The following THOP1 variants were observed in gnomAD, a reference collection of about 807,000 sequenced individuals.
THOP1 encodes thimet oligopeptidase.
In THOP1, 49 loss-of-function variants were observed where a neutral mutation model predicts 71.8. That is an observed-to-expected ratio of 0.68 (90% CI 0.54 to 0.87). The LOEUF (loss-of-function observed/expected upper bound fraction) is 0.87, where lower values mean the gene tolerates loss of function less well. THOP1 is among the 40% of genes least tolerant of loss of function. The pLI is 0.00. For synonymous variants in THOP1, 426 were observed against 421.5 expected (o/e 1.01, Z -0.13); for missense variants, 843 against 975.6 (o/e 0.86, Z 1.81).
At chr19:2,810,281 G>A (rs1402021381) in intron 9 of THOP1, 23 bp from the exon 10 acceptor site, 13 of 1,606,430 alleles carry the variant, frequency 8.1e-6, no homozygotes, top group Non-Finnish European at 1.0e-5. Context: ...TGGGCACTCT[G>A]AGGCTCTGCC....
At chr19:2,812,489 T>TC in intron 12 of THOP1, 2 of 1,221,106 alleles carry the variant, frequency 1.6e-6, no homozygotes, top group Non-Finnish European at 2.1e-6. Flanking sequence ...AGCAGGGACC[T>TC]CCCCCCTCCT....
chr19:2,813,315 C>T lies in THOP1; in HGVS notation c.*39C>T, dbSNP rs761232414. On this transcript the variant is annotated 3_prime_UTR_variant, in exon 13 of 13. Coordinates refer to ENST00000307741, the MANE Select transcript of THOP1 (RefSeq NM_003249.5). ...GACTGCCCAGTCTGGCCTGCGCTCC[C>T]GCCGCCCTGGTGCCTTAGCCCCCGG... The T allele has an allele frequency of 3.5e-5, 55 of 1,558,252 alleles. 2 individuals are homozygous for T. Among genetic ancestry groups the T allele is most frequent in the South Asian group, 3.4e-4 (29 of 86,206 alleles).
At chr19:2,792,209 G>C (rs945966319) in intron 2 of THOP1, among the ~76,000 whole-genome samples, 4 of 152,206 alleles carry the variant, frequency 2.6e-5, no homozygotes, top group African/African-American at 9.6e-5. Flanking sequence ...GCCTGGCCCA[G>C]AGCCCCCACT....
chr19:2,793,266 G>A (rs1193183162), intron 2 of THOP1, among the ~76,000 whole-genome samples: 3 of 152,134 alleles, frequency 2.0e-5, no homozygotes, highest in Non-Finnish European at 2.9e-5. Flanking sequence ...TCATTTTAGA[G>A]CATTTTCATA....
chr19:2,791,679 G>A (rs1915883793), intron 2 of THOP1, among the ~76,000 whole-genome samples: 1 of 152,198 alleles, frequency 6.6e-6, no homozygotes, highest in African/African-American at 2.4e-5. Context: ...AGGCTCAGGT[G>A]ATACCAGTTC....
intron 2 of THOP1, among the ~76,000 whole-genome samples, chr19:2,794,521 A>AT (rs960485772): frequency 6.6e-6 from 1 of 151,746 alleles, no homozygotes; most frequent in Admixed American, 6.6e-5. Flanking sequence ...TTGAATCCTT[A>AT]TTTTTCTTCG....
intron 5 of THOP1, among the ~76,000 whole-genome samples, chr19:2,800,177 A>T (rs976571554): frequency 6.6e-6 from 1 of 152,198 alleles, no homozygotes; most frequent in African/African-American, 2.4e-5. Context: ...TTATTTATTT[A>T]ATTTAATTAA....
chr19:2,799,311 C>T (rs1002013502), intron 4 of THOP1, among the ~76,000 whole-genome samples: 6 of 152,134 alleles, frequency 3.9e-5, no homozygotes, highest in East Asian at 1.9e-4. Flanking sequence ...GGCAACAGAG[C>T]GAGTCCCTGT....
chr19:2,790,033 G>A (rs12984998), intron 1 of THOP1: 2,504 of 161,558 alleles, frequency 0.015, 29 homozygotes, highest in South Asian at 0.042. Flanking sequence ...GATTACAGGC[G>A]TGAGCCACCA....
chr19:2,791,515 AC>A (rs1305087566), intron 2 of THOP1, among the ~76,000 whole-genome samples: 3 of 152,034 alleles, frequency 2.0e-5, no homozygotes, highest in Admixed American at 1.3e-4. Context: ...CTCCGCAAGC[AC>A]CCCAAGCCTG....
rs778706974 is a variant in THOP1, at chr19:2,796,147, G to T, written c.445G>T (p.Gly149Cys). The T allele has an allele frequency of 2.5e-6, 4 of 1,613,702 alleles. No individual in the cohort carries two copies. In the African/African-American group the frequency reaches 5.3e-5, roughly 22 times the overall value. The change falls in exon 4 of 13, where the codon GGC becomes TGC. Residue 149 changes from glycine to cysteine, a missense_variant. Coordinates refer to ENST00000307741, the MANE Select transcript of THOP1 (RefSeq NM_003249.5). ...ARYLERLIKLGRRNGLHLPRE... is the reference protein window; with the variant it reads ...ARYLERLIKLCRRNGLHLPRE... ...GTACCTGGAGCGGCTAATCAAGCTG[G>T]GCCGGAGAAATGGGCTTCACCTCCC...
Position 2,810,672 on chromosome 19 carries a change from A to G in THOP1, c.1675A>G (p.Lys559Glu), listed in dbSNP as rs751480616. The change falls in exon 11 of 13, where the codon AAG becomes GAG. Residue 559 changes from lysine (K) to glutamate (E), a missense_variant. By Grantham distance (56) the Lys-to-Glu change is moderately conservative. Transcript: ENST00000307741. ...LFNLRQIVLA[K>E]VDQALHTQTD... ...CAACCTGCGCCAGATCGTCCTCGCC[A>G]AGGTGGACCAGGCCCTGCACACGCA... is the stretch of plus-strand genomic sequence containing the variant. 2.1e-5 allele frequency: 33 copies of G among 1,563,672 alleles called. No individual in the cohort carries two copies. The highest frequency in any genetic ancestry group is 2.8e-5 in the Non-Finnish European group (32 of 1,153,814).
Position 2,804,405 on chromosome 19 carries a change from A to G in THOP1, c.590-611A>G, listed in dbSNP as rs989377892. On this transcript the variant is annotated intron_variant, in intron 5 of 12. Transcript: ENST00000307741. This position sits in a 1 kb window ranked among gnomAD's most constrained non-coding sequence, Gnocchi z 4.7. ...GGTCTCTCTGGAGGGACACACTTGA[A>G]AGTGGTTGAGCCGTGGGGCTGCGTG... is the stretch of plus-strand genomic sequence containing the variant. Among the ~76,000 whole-genome samples, 1 of 152,082 alleles carries G rather than the reference A, an allele frequency of 6.6e-6. No homozygotes were observed. Among genetic ancestry groups the G allele is most frequent in the African/African-American group, 2.4e-5 (1 of 41,388 alleles).
intron 5 of THOP1, among the ~76,000 whole-genome samples, chr19:2,802,733 G>A (rs149489758): frequency 2.0e-5 from 3 of 152,310 alleles, no homozygotes; most frequent in Non-Finnish European, 4.4e-5. Flanking sequence ...CATGTCCATG[G>A]ATGACTTCTG....
intron 3 of THOP1, among the ~76,000 whole-genome samples, chr19:2,795,794 C>T (rs772560821): frequency 6.6e-6 from 1 of 152,186 alleles, no homozygotes; most frequent in East Asian, 1.9e-4. Flanking sequence ...GTGTCATCTA[C>T]ACCCCGATAC....
At chr19:2,808,778 G>A (rs1000629805) in intron 9 of THOP1, among the ~76,000 whole-genome samples, 6 of 152,222 alleles carry the variant, frequency 3.9e-5, no homozygotes, top group Non-Finnish European at 8.8e-5. Flanking sequence ...TCCTCATGTG[G>A]TCGTCCTTCT....
At chr19:2,787,649 TCAA>T (rs1915779201) in intron 1 of THOP1, among the ~76,000 whole-genome samples, 1 of 152,230 alleles carries the variant, frequency 6.6e-6, no homozygotes, top group Non-Finnish European at 1.5e-5. Context: ...GAAAATGACC[TCAA>T]CTGACCGACT....
In THOP1 at chr19:2,794,681, C is replaced by A. The variant is rs1048649290; in HGVS notation, c.230-83C>A. Reference sequence around the variant, plus strand: ...TTCACGGGGGGATTCAGCAGACAGGCCTGGGAGAGGGGTCCGGGCAACACC... The same window carrying A: ...TTCACGGGGGGATTCAGCAGACAGGACTGGGAGAGGGGTCCGGGCAACACC... On this transcript the variant is annotated intron_variant, in intron 2 of 12. Transcript: ENST00000307741. The A allele has an allele frequency of 2.6e-6, 4 of 1,513,936 alleles. No homozygotes were observed. In the African/African-American group the frequency reaches 4.1e-5, roughly 16 times the overall value. The allele number at this position is 1,513,936 out of a possible 1,614,324, so 93.8% of individuals were successfully genotyped here.
chr19:2,810,425 G>C lies in THOP1; in HGVS notation c.1577G>C (p.Arg526Pro). The C allele has an allele frequency of 6.2e-7, 1 of 1,603,162 alleles. No individual in the cohort carries two copies. Residue 526 changes from arginine (R) to proline (P), a missense_variant, in exon 10 of 13, where the codon CGC (arginine) becomes CCC (proline). Transcript: ENST00000307741. ...EPLLRMSRHYRTGSAVPRELL... is the reference protein window; with the variant it reads ...EPLLRMSRHYPTGSAVPRELL... The stretch of plus-strand genomic sequence containing the variant: ...CTGCTGCGGATGTCGCGGCACTACC[G>C]CACAGGCAGCGCCGTGCCCCGGGAG...
Sources: allele counts gnomAD v4.1 joint callset (sites outside exome capture counted in the v4.1 genomes callset), GRCh38; gene constraint gnomAD v4.1.1; non-coding constraint Gnocchi (gnomAD v3.1); transcripts MANE v1.5; gene names NCBI Gene and HGNC (gene_info 2026-07-23, HGNC 2026-07-21).